Variants in SP3 observed in about 807,000 individuals in gnomAD.
The protein encoded by SP3 is Sp3 transcription factor.
In SP3, 10 loss-of-function variants were observed where a neutral mutation model predicts 70.3. The observed-to-expected ratio is 0.14, with a 90% confidence interval of 0.09 to 0.24. The LOEUF is 0.24. Among genes scored for constraint, SP3 ranks in the 10% least tolerant of loss-of-function variants. The pLI is 1.00. For synonymous variants in SP3, 402 were observed against 333.5 expected, an observed-to-expected ratio of 1.21 and a Z score of -2.24; for missense variants, 825 against 914.6, an observed-to-expected ratio of 0.90 and a Z score of 1.26.
upstream of SP3, chr2:173,965,438 T>G: frequency 2.0e-6 from 1 of 501,162 alleles, no homozygotes; most frequent in Non-Finnish European, 3.5e-6. Flanking sequence ...TTGTCGGCTG[T>G]GCTCATTGGT....
At chr2:173,938,537 T>G (rs1246426240) in intron 4 of SP3, among the ~76,000 whole-genome samples, 1 of 150,434 alleles carries the variant, frequency 6.6e-6, no homozygotes, top group Non-Finnish European at 1.5e-5. Context: ...CTACGTTTAT[T>G]CTGTATCTAT....
At chr2:173,933,035 CAAG>C (rs2105474276) in intron 4 of SP3, among the ~76,000 whole-genome samples, 1 of 152,060 alleles carries the variant, frequency 6.6e-6, no homozygotes, top group African/African-American at 2.4e-5. Context: ...TGAAATATTC[CAAG>C]AATTGCCAAA....
chr2:173,924,422 C>T (rs1410036302), intron 4 of SP3, among the ~76,000 whole-genome samples: 1 of 152,172 alleles, frequency 6.6e-6, no homozygotes, highest in Non-Finnish European at 1.5e-5. Context: ...ATTCACTTCA[C>T]CTTATTAAAT....
At chr2:173,938,513 A>G (rs1324927471) in intron 4 of SP3, among the ~76,000 whole-genome samples, 1 of 150,928 alleles carries the variant, frequency 6.6e-6, no homozygotes. Flanking sequence ...TACATTACAC[A>G]TTTCCACACA....
chr2:173,954,379 T>C (rs1206581076), intron 4 of SP3, among the ~76,000 whole-genome samples: 1 of 152,146 alleles, frequency 6.6e-6, no homozygotes, highest in Non-Finnish European at 1.5e-5. Flanking sequence ...ACCTCCATTT[T>C]ACACAACAAG....
At chr2:173,946,866 T>G (rs1690557329) in intron 4 of SP3, among the ~76,000 whole-genome samples, 1 of 150,836 alleles carries the variant, frequency 6.6e-6, no homozygotes, top group Non-Finnish European at 1.5e-5. Flanking sequence ...CGACTACAGG[T>G]GTGTACCACC....
At chr2:173,962,001 G>T (rs1359084159) in intron 3 of SP3, among the ~76,000 whole-genome samples, 1 of 133,116 alleles carries the variant, frequency 7.5e-6, no homozygotes, top group Admixed American at 8.1e-5. Flanking sequence ...GGCAAATTAT[G>T]ATGTATTTGA....
intron 4 of SP3, among the ~76,000 whole-genome samples, chr2:173,945,212 ATTACT>A (rs1439107895): frequency 1.3e-5 from 2 of 152,220 alleles, no homozygotes; most frequent in African/African-American, 4.8e-5. Context: ...TATATTTAAA[ATTACT>A]TTATTTTAAA....
At chr2:173,957,952 GT>G (rs1690948121) in intron 3 of SP3, among the ~76,000 whole-genome samples, 1 of 152,108 alleles carries the variant, frequency 6.6e-6, no homozygotes, top group Non-Finnish European at 1.5e-5. Flanking sequence ...AAATTACAAT[GT>G]TAAGTCACCT....
In SP3 at chr2:173,963,808, C is replaced by T. The variant is rs775141468; in HGVS notation, c.232G>A (p.Glu78Lys). 6.9e-7 allele frequency: 1 copy of T among 1,457,896 alleles called. No homozygotes were observed. The highest frequency in any genetic ancestry group is 9.1e-7 in the Non-Finnish European group (1 of 1,095,222). The allele number at this position is 1,457,896 out of a possible 1,614,324, so 90.3% of individuals were successfully genotyped here. Residue 78 changes from glutamate to lysine, a missense_variant, in exon 3 of 7, where the codon GAG becomes AAG. Physicochemically the swap from Glu to Lys is moderately conservative, Grantham distance 56. Transcript: ENST00000310015. The stretch of plus-strand genomic sequence containing the variant: ...CCGGCTGCGGCGGCCGCCTCCTCCT[C>T]GTCGTCGCCCGGCGATGGCGGCCCT... ...KIGPPSPGDD[E>K]EEAAAAAGAP...
chr2:173,921,764 C>T (rs573974093), intron 4 of SP3, among the ~76,000 whole-genome samples: 1 of 152,286 alleles, frequency 6.6e-6, no homozygotes, highest in South Asian at 2.1e-4. Flanking sequence ...ATGCAATCCC[C>T]AAAGGTGGAG....
intron 4 of SP3, among the ~76,000 whole-genome samples, chr2:173,939,393 T>C (rs1559101082): frequency 6.6e-6 from 1 of 152,234 alleles, no homozygotes. Flanking sequence ...GCTTCAGATA[T>C]GCATACTTTA....
At chr2:173,917,264 C>T (rs926016319) in intron 5 of SP3, among the ~76,000 whole-genome samples, 1 of 152,126 alleles carries the variant, frequency 6.6e-6, no homozygotes, top group Non-Finnish European at 1.5e-5. Context: ...AGAAAAGTTA[C>T]TGCCTAGTTA....
chr2:173,926,568 G>A (rs1490943125), intron 4 of SP3, among the ~76,000 whole-genome samples: 2 of 152,194 alleles, frequency 1.3e-5, no homozygotes, highest in African/African-American at 4.8e-5. Flanking sequence ...GGAGGCCAAG[G>A]AGGGAGGGTC....
chr2:173,913,409 A>C, intron 5 of SP3, 143 bp from the exon 6 acceptor site: 1 of 526,954 alleles, frequency 1.9e-6, no homozygotes, highest in Non-Finnish European at 3.0e-6. Context: ...ACCATTTAAA[A>C]TCAGTTTAAA....
chr2:173,936,609 A>G (rs1020493063), intron 4 of SP3, among the ~76,000 whole-genome samples: 1 of 152,218 alleles, frequency 6.6e-6, no homozygotes, highest in Non-Finnish European at 1.5e-5. Context: ...ACCCAATGAA[A>G]TACTAATCAA....
intron 3 of SP3, among the ~76,000 whole-genome samples, chr2:173,961,935 GTTTTTTTT>G (rs536537799): frequency 3.7e-4 from 30 of 81,018 alleles, no homozygotes; most frequent in Middle Eastern, 9.1e-3. Context: ...TATGGTTTGG[GTTTTTTTT>G]TTTTTTTTTT....
At chr2:173,912,332 A>T (rs1171580566) in intron 6 of SP3, among the ~76,000 whole-genome samples, 1 of 152,232 alleles carries the variant, frequency 6.6e-6, no homozygotes, top group Admixed American at 6.5e-5. Flanking sequence ...GGGAACTTGG[A>T]TTGGAATCCA....
rs1466955105 is a variant in SP3 at position 173,910,167 on chromosome 2, T to C, written c.2120A>G (p.Lys707Arg). 6.2e-7 allele frequency: 1 copy of C among 1,613,894 alleles called. No individual in the cohort carries two copies. Among genetic ancestry groups the C allele is most frequent in the Admixed American group, 1.7e-5 (1 of 59,990 alleles). Residue 707 changes from lysine to arginine, a missense_variant, in exon 7 of 7, where the codon AAA (lysine) becomes AGA (arginine). Coordinates refer to ENST00000310015, the MANE Select transcript of SP3 (RefSeq NM_003111.5). ...CACTGTACTGCTAGAGTGAATACCT[T>C]TTTTATTCTGGTGTGTTTTAATATG... ...AKHIKTHQNK[K>R]GIHSSSTVLA...
Sources: allele counts gnomAD v4.1 joint callset (sites outside exome capture counted in the v4.1 genomes callset), GRCh38; gene constraint gnomAD v4.1.1; transcripts MANE v1.5; gene names NCBI Gene and HGNC (gene_info 2026-07-23, HGNC 2026-07-21).